AMOTL1: variants seen among roughly 807,000 people sequenced by gnomAD.
AMOTL1 encodes the protein angiomotin-like protein 1.
Under a neutral mutation model 102.9 loss-of-function variants are expected in AMOTL1, and 45 were observed. That is an observed-to-expected ratio of 0.44 (90% CI 0.34 to 0.56). The LOEUF (loss-of-function observed/expected upper bound fraction) is 0.56. Ranked by LOEUF, AMOTL1 falls within the 20% of genes least tolerant of loss-of-function variation. The pLI, the probability that AMOTL1 is intolerant of heterozygous loss-of-function variation, is 0.01. For synonymous variants in AMOTL1, 481 were observed against 484.7 expected, an observed-to-expected ratio of 0.99 and a Z score of 0.10; for missense variants, 1,114 against 1,225.6, an observed-to-expected ratio of 0.91 and a Z score of 1.36.
chr11:94,774,974 C>T (rs1022097483), intron 1 of AMOTL1, among the ~76,000 whole-genome samples: 2 of 152,154 alleles, frequency 1.3e-5, no homozygotes, highest in Non-Finnish European at 2.9e-5. Flanking sequence ...GTCTCTCACT[C>T]CTTGGAAGAC....
chr11:94,856,634 G>A (rs1439325499), intron 8 of AMOTL1, among the ~76,000 whole-genome samples: 1 of 152,072 alleles, frequency 6.6e-6, no homozygotes, highest in African/African-American at 2.4e-5. Context: ...CAGCAGCCTC[G>A]GGAAAGACTT....
chr11:94,828,930 T>G (rs896587164), intron 4 of AMOTL1, among the ~76,000 whole-genome samples: 1 of 152,190 alleles, frequency 6.6e-6, no homozygotes, highest in African/African-American at 2.4e-5. Flanking sequence ...CATCCATGTT[T>G]GCAGGCACCC....
intron 3 of AMOTL1, among the ~76,000 whole-genome samples, chr11:94,813,101 G>A (rs1201702783): frequency 1.3e-5 from 2 of 152,198 alleles, no homozygotes; most frequent in Non-Finnish European, 2.9e-5. Flanking sequence ...TTGCTGAAAT[G>A]TTTGTGAGCC....
intron 6 of AMOTL1, among the ~76,000 whole-genome samples, chr11:94,833,306 A>G (rs1251060456): frequency 6.6e-6 from 1 of 152,184 alleles, no homozygotes; most frequent in African/African-American, 2.4e-5. Flanking sequence ...ACAGCTTTAT[A>G]ATTATTTACA....
Position 94,872,114 on chromosome 11 carries a change from T to C in AMOTL1, c.*1319T>C, listed in dbSNP as rs1400168044. 1.3e-5 allele frequency: 2 copies of C among 152,168 alleles called. No individual in the cohort carries two copies. Among genetic ancestry groups the C allele is most frequent in the African/African-American group, 4.8e-5 (2 of 41,412 alleles). 9.4% of individuals were successfully genotyped at this position (152,168 alleles called of 1,614,324 possible). A position where few individuals can be genotyped will look rare whatever the true frequency, so the allele number is the denominator to read the frequency against. ...GTCAGGTTTTTCCGGGTTTCAGTTTTGAGGCAGTTTATTCAAAGTGAGACA... is the reference window on the plus strand; with the variant it reads ...GTCAGGTTTTTCCGGGTTTCAGTTTCGAGGCAGTTTATTCAAAGTGAGACA... On this transcript the variant is annotated 3_prime_UTR_variant, in exon 13 of 13. Coordinates refer to ENST00000433060, the MANE Select transcript of AMOTL1 (RefSeq NM_130847.3).
At chr11:94,737,019 T>A (rs1055155896) in intron 2 of AMOTL1, among the ~76,000 whole-genome samples, 1 of 152,250 alleles carries the variant, frequency 6.6e-6, no homozygotes, top group Non-Finnish European at 1.5e-5. Flanking sequence ...TAGAGAATTT[T>A]CAACAGCAAA....
intron 8 of AMOTL1, among the ~76,000 whole-genome samples, chr11:94,857,169 A>T (rs55849084): frequency 0.088 from 13,371 of 152,218 alleles, 1,002 homozygotes; most frequent in African/African-American, 0.2. Context: ...CAAATAAATT[A>T]TACTTACCTC....
intron 1 of AMOTL1, among the ~76,000 whole-genome samples, chr11:94,785,536 G>A (rs1292153525): frequency 6.6e-6 from 1 of 152,174 alleles, no homozygotes; most frequent in Non-Finnish European, 1.5e-5. Flanking sequence ...TTAGTTTCTT[G>A]GAGATATTGG....
chr11:94,717,843 A>C (rs1950118962), intron 1 of AMOTL1, among the ~76,000 whole-genome samples: 1 of 151,912 alleles, frequency 6.6e-6, no homozygotes, highest in Non-Finnish European at 1.5e-5. Context: ...TTGAATAAAA[A>C]TGGGCAAAGT....
intron 3 of AMOTL1, among the ~76,000 whole-genome samples, chr11:94,821,324 C>T (rs1951861223): frequency 1.3e-5 from 2 of 152,216 alleles, no homozygotes; most frequent in African/African-American, 4.8e-5. Flanking sequence ...CATCTGAGAG[C>T]AGGGACCTGG....
chr11:94,757,057 G>C (rs1167422136), intron 3 of AMOTL1, among the ~76,000 whole-genome samples: 1 of 151,534 alleles, frequency 6.6e-6, no homozygotes, highest in East Asian at 1.9e-4. Context: ...GTTGGGGTGG[G>C]GGGATGGGGA....
At chr11:94,758,058 T>C (rs567338964) in intron 3 of AMOTL1, among the ~76,000 whole-genome samples, 1 of 152,288 alleles carries the variant, frequency 6.6e-6, no homozygotes, top group East Asian at 1.9e-4. Context: ...TGAGACTCCA[T>C]CTCAAAAAAA....
chr11:94,846,891 A>G (rs1355347478), intron 6 of AMOTL1, among the ~76,000 whole-genome samples: 2 of 152,224 alleles, frequency 1.3e-5, no homozygotes, highest in Non-Finnish European at 2.9e-5. Flanking sequence ...TAAAGAGACT[A>G]CTATAAGTAA....
chr11:94,786,595 TTTATTA>T (rs1565351041), intron 1 of AMOTL1, among the ~76,000 whole-genome samples: 2 of 152,074 alleles, frequency 1.3e-5, no homozygotes, highest in African/African-American at 4.8e-5. Flanking sequence ...TTTTTTCTTT[TTTATTA>T]TTATTATTAC....
intron 3 of AMOTL1, among the ~76,000 whole-genome samples, chr11:94,809,998 A>T (rs1951643155): frequency 6.6e-6 from 1 of 152,240 alleles, no homozygotes; most frequent in South Asian, 2.1e-4. Context: ...TTATAGATTC[A>T]TAACACCTCT....
At chr11:94,747,302 C>G (rs1405178967) in intron 3 of AMOTL1, among the ~76,000 whole-genome samples, 2 of 152,068 alleles carry the variant, frequency 1.3e-5, no homozygotes, top group African/African-American at 4.8e-5. Context: ...TGGCATGCCT[C>G]AAGGAGCTCA....
chr11:94,740,106 T>C (rs1264795528), intron 2 of AMOTL1: 1 of 152,204 alleles, frequency 6.6e-6, no homozygotes, highest in Non-Finnish European at 1.5e-5. Context: ...CTCATATTAC[T>C]TTGCCCACTT....
intron 6 of AMOTL1, among the ~76,000 whole-genome samples, chr11:94,846,042 C>G (rs1020321233): frequency 3.3e-5 from 5 of 152,172 alleles, no homozygotes; most frequent in African/African-American, 1.2e-4. Context: ...GGGACTCTCC[C>G]TTGTTATCTC....
chr11:94,775,430 G>C (rs1472129974), intron 1 of AMOTL1, among the ~76,000 whole-genome samples: 1 of 152,104 alleles, frequency 6.6e-6, no homozygotes, highest in African/African-American at 2.4e-5. Flanking sequence ...TGCTTGAGCA[G>C]ATGTTGAAAT....
Sources: allele counts gnomAD v4.1 joint callset (sites outside exome capture counted in the v4.1 genomes callset), GRCh38; gene constraint gnomAD v4.1.1; transcripts MANE v1.5; gene names NCBI Gene and HGNC (gene_info 2026-07-23, HGNC 2026-07-21).